The following TAPBPL variants were observed in gnomAD, a reference collection of about 807,000 sequenced individuals.
TAPBPL encodes TAP binding protein like, also known as tapasin-related protein.
A neutral mutation model predicts 44.8 loss-of-function variants in TAPBPL; 32 were observed. That is an observed-to-expected ratio of 0.71 (90% CI 0.54 to 0.96). The LOEUF is 0.96. TAPBPL is among the 40% of genes least tolerant of loss of function. The pLI is 0.00. For missense variants in TAPBPL, 520 were observed against 586.6 expected (o/e 0.89, Z 1.17); for synonymous variants, 230 against 240.7 (o/e 0.96, Z 0.41).
chr12:6,459,111 A>T (rs1234809929), intron 5 of TAPBPL, among the ~76,000 whole-genome samples, 164 bp downstream of exon 5: 1 of 152,206 alleles, frequency 6.6e-6, no homozygotes, highest in Non-Finnish European at 1.5e-5. Context: ...GGCAGCTGCC[A>T]CAGCTTCTAC....
chr12:6,452,715 C>A, intron 1 of TAPBPL: 1 of 743,928 alleles, frequency 1.3e-6, no homozygotes, highest in Non-Finnish European at 1.9e-6. Context: ...GCCCCAGCAA[C>A]AGTAACTGTC....
At chr12:6,465,974 C>T (rs777115996), downstream of TAPBPL, 12 of 1,614,238 alleles carry the variant, frequency 7.4e-6, no homozygotes, top group South Asian at 1.3e-4. Context: ...GGACCTTGTC[C>T]ACGTTCACAC....
chr12:6,466,290 G>A, downstream of TAPBPL: 1 of 1,614,200 alleles, frequency 6.2e-7, no homozygotes, highest in Non-Finnish European at 8.5e-7. Flanking sequence ...GGAGGGCCAG[G>A]GGGACCCCCA....
At chr12:6,459,054 C>T in intron 5 of TAPBPL, 107 bp downstream of exon 5, 2 of 1,314,764 alleles carry the variant, frequency 1.5e-6, no homozygotes, top group Non-Finnish European at 2.1e-6. Flanking sequence ...TTGTTCGCAG[C>T]CCTGGCTTCA....
At chr12:6,465,701 T>C, downstream of TAPBPL, 1 of 1,208,726 alleles carries the variant, frequency 8.3e-7, no homozygotes, top group Non-Finnish European at 1.1e-6. Flanking sequence ...AAGAGGAGGC[T>C]TTCCAGATTT....
chr12:6,452,537 G>A, intron 1 of TAPBPL: 1 of 1,412,560 alleles, frequency 7.1e-7, no homozygotes, highest in Non-Finnish European at 9.2e-7. Flanking sequence ...GGCTGCCTCT[G>A]TGGCTGTGGT....
downstream of TAPBPL, among the ~76,000 whole-genome samples, chr12:6,468,957 C>G (rs1054535343): frequency 1.3e-5 from 2 of 152,150 alleles, no homozygotes; most frequent in Non-Finnish European, 2.9e-5. Flanking sequence ...AAAAATGAAA[C>G]CACAAAGTCA....
downstream of TAPBPL, among the ~76,000 whole-genome samples, chr12:6,469,146 A>C (rs950479585): frequency 2.6e-5 from 4 of 152,208 alleles, no homozygotes; most frequent in Admixed American, 6.5e-5. Flanking sequence ...ATTTCCCTCT[A>C]AGGTGCAAAG....
At chr12:6,463,826 C>T, downstream of TAPBPL, 6 of 1,224,150 alleles carry the variant, frequency 4.9e-6, no homozygotes, top group Non-Finnish European at 6.3e-6. This position sits in a 1 kb window ranked among gnomAD's most constrained non-coding sequence, Gnocchi z 4.0. Flanking sequence ...GTTCTCCAGG[C>T]CTCTGGAGAA....
downstream of TAPBPL, chr12:6,463,251 G>A (rs1203127745): frequency 4.4e-5 from 60 of 1,373,464 alleles, no homozygotes; most frequent in Non-Finnish European, 5.1e-5. This position sits in a 1 kb window ranked among gnomAD's most constrained non-coding sequence, Gnocchi z 4.0. Context: ...ACAGAGAGGC[G>A]GCTCTCAAGG....
At chr12:6,470,436 T>TA (rs1181950076), downstream of TAPBPL, 1 of 1,580,596 alleles carries the variant, frequency 6.3e-7, no homozygotes, top group African/African-American at 1.4e-5. Flanking sequence ...TTGCTGCAGC[T>TA]GCTGCATTGC....
At chr12:6,461,510 A>C in intron 6 of TAPBPL, 1 of 959,008 alleles carries the variant, frequency 1.0e-6, no homozygotes, top group Non-Finnish European at 1.2e-6. Context: ...GTCAAAATAA[A>C]AGGCCCTTGT....
chr12:6,462,799 T>C (rs1442377866), downstream of TAPBPL: 3 of 1,590,274 alleles, frequency 1.9e-6, no homozygotes, highest in South Asian at 1.1e-5. Flanking sequence ...AGGGGGGCCG[T>C]TGGGAGGGTA....
rs1949728479 is a variant in TAPBPL at position 6,457,437 on chromosome 12, C to T, written c.597C>T (p.Ser199=). Residue 199 remains serine, a synonymous_variant, in exon 4 of 7, where the codon TCC becomes TCT. Coordinates refer to ENST00000266556, the MANE Select transcript of TAPBPL (RefSeq NM_018009.5). The stretch of plus-strand genomic sequence containing the variant: ...TCCAGGTGATGACACAGACCCAATC[C>T]CTGAGCTTCCTGCTGGGGTCCTCAG... ...VEFQVMTQTQ[S]LSFLLGSSAS... The T allele has an allele frequency of 1.2e-6, 2 of 1,614,132 alleles. No homozygotes were observed. Among genetic ancestry groups the T allele is most frequent in the Non-Finnish European group, 1.7e-6 (2 of 1,180,018 alleles).
chr12:6,459,745 T>C (rs183071506), intron 5 of TAPBPL, among the ~76,000 whole-genome samples: 20 of 144,456 alleles, frequency 1.4e-4, no homozygotes, highest in Admixed American at 6.0e-4. Context: ...TATTTATTTA[T>C]TTATTTATTT....
At chr12:6,465,616 G>A (rs1373837507), downstream of TAPBPL, among the ~76,000 whole-genome samples, 1 of 151,560 alleles carries the variant, frequency 6.6e-6, no homozygotes, top group Non-Finnish European at 1.5e-5. Context: ...ACTCCTCAGG[G>A]TATCACTTTT....
At chr12:6,470,481 G>A (rs1480167826), downstream of TAPBPL, 14 of 1,613,400 alleles carry the variant, frequency 8.7e-6, no homozygotes, top group Non-Finnish European at 1.0e-5. Flanking sequence ...GGAGCTTGGG[G>A]CGAGAGTTGT....
At position 6,457,734 on chromosome 12, in the gene TAPBPL, C is replaced by A; in HGVS notation, c.894C>A (p.Leu298=). ...SLYRAQQIIQ[L]NIQASPKVRL... ...ACCGAGCTCAGCAGATCATCCAGCT[C>A]AACATCCAAGGTGAGGCCAGGACAT... is the stretch of plus-strand genomic sequence containing the variant. Residue 298 remains leucine, a synonymous_variant, in exon 4 of 7, where the codon CTC becomes CTA. Coordinates refer to ENST00000266556, the MANE Select transcript of TAPBPL (RefSeq NM_018009.5). The A allele has an allele frequency of 6.3e-7, 1 of 1,583,666 alleles. No homozygotes were observed.
intron 1 of TAPBPL, chr12:6,452,587 G>C: frequency 2.2e-6 from 3 of 1,349,790 alleles, no homozygotes; most frequent in Non-Finnish European, 2.9e-6. Flanking sequence ...TGGCCTGGGA[G>C]CTGACACTTC....
Sources: allele counts gnomAD v4.1 joint callset (sites outside exome capture counted in the v4.1 genomes callset), GRCh38; gene constraint gnomAD v4.1.1; non-coding constraint Gnocchi (gnomAD v3.1); transcripts MANE v1.5; gene names NCBI Gene and HGNC (gene_info 2026-07-23, HGNC 2026-07-21).